Variants in PRUNE2 observed in about 807,000 individuals in gnomAD.
The protein encoded by PRUNE2 is protein prune homolog 2.
Under a neutral mutation model 252.0 loss-of-function variants are expected in PRUNE2, and 164 were observed. That is an observed-to-expected ratio of 0.65 (90% confidence interval 0.57 to 0.74). The LOEUF (loss-of-function observed/expected upper bound fraction) is 0.74, where lower values mean the gene tolerates loss of function less well. Ranked by LOEUF, PRUNE2 falls within the 30% of genes least tolerant of loss-of-function variation. The pLI is 0.00. For synonymous variants in PRUNE2, 1,292 were observed against 1,350.2 expected (o/e 0.96, Z 0.94); for missense variants, 3,495 against 3,711.0 (o/e 0.94, Z 1.51).
intron 4 of PRUNE2, among the ~76,000 whole-genome samples, chr9:76,844,988 A>AC (rs1441554914): frequency 3.3e-4 from 38 of 116,372 alleles, no homozygotes; most frequent in African/African-American, 6.7e-4. Context: ...ATATGGTGAG[A>AC]CCCCCCTCTC....
At chr9:76,870,282 T>A (rs2061108604) in intron 1 of PRUNE2, among the ~76,000 whole-genome samples, 1 of 152,086 alleles carries the variant, frequency 6.6e-6, no homozygotes, top group Non-Finnish European at 1.5e-5. Context: ...CTAACTTTTT[T>A]TTTTTTTGCA....
intron 6 of PRUNE2, among the ~76,000 whole-genome samples, chr9:76,745,642 G>C (rs2050039768): frequency 6.6e-6 from 1 of 152,082 alleles, no homozygotes; most frequent in Non-Finnish European, 1.5e-5. Flanking sequence ...AGAAACCCTA[G>C]CTTCTGATTT....
In PRUNE2 at chr9:76,711,140, GA is replaced by G; in HGVS notation, c.1133del (p.Leu378ProfsTer16). ...CCATAATCCCAGAAGACCCCTGGGA[GA>G]GGGGGGCACTGCCTGCCACGGCTTC... is the stretch of plus-strand genomic sequence containing the variant. ...STEAVAGSAP[L>X]SQGSSGIMEL... is the part of the protein sequence containing the mutation. On this transcript the variant is annotated frameshift_variant, in exon 8 of 19. Coordinates refer to ENST00000376718, the MANE Select transcript of PRUNE2 (RefSeq NM_015225.3). LOFTEE classifies it high-confidence loss of function. 1.9e-6 allele frequency: 3 copies of G among 1,613,874 alleles called. No individual in the cohort carries two copies. Among genetic ancestry groups the G allele is most frequent in the Non-Finnish European group, 2.5e-6 (3 of 1,179,778 alleles).
chr9:76,833,531 T>C (rs2058778604), intron 4 of PRUNE2, among the ~76,000 whole-genome samples: 1 of 152,046 alleles, frequency 6.6e-6, no homozygotes, highest in African/African-American at 2.4e-5. Context: ...TTTGGGAGGC[T>C]GAGGTGGGCG....
At position 76,713,584 on chromosome 9, in the gene PRUNE2, T is replaced by C. The variant is rs1158784826; in HGVS notation, c.894A>G (p.Glu298=). 6.2e-7 allele frequency: 1 copy of C among 1,610,588 alleles called. No homozygotes were observed. The highest frequency in any genetic ancestry group is 1.3e-5 in the African/African-American group (1 of 74,880). The part of the protein sequence containing the change: ...QPRRQIAVYS[E]NMELCSQICC... ...TCACCTGACTGCACAGCTCCATGTT[T>C]TCTGAGTACACAGCAATCTGTCGTC... Residue 298 remains glutamate, a synonymous_variant, in exon 7 of 19, where the codon GAA becomes GAG. Transcript: ENST00000376718.
intron 2 of PRUNE2, among the ~76,000 whole-genome samples, chr9:76,853,878 G>A (rs73653231): frequency 0.029 from 4,376 of 152,194 alleles, 224 homozygotes; most frequent in African/African-American, 0.099. Context: ...TTGAAATAAT[G>A]TTTTATAAGG....
chr9:76,888,912 C>T (rs1353997542), intron 1 of PRUNE2, among the ~76,000 whole-genome samples: 1 of 151,996 alleles, frequency 6.6e-6, no homozygotes, highest in African/African-American at 2.4e-5. Flanking sequence ...GCATGATCTC[C>T]ACTCACTTCA....
chr9:76,745,675 C>T (rs1297933886), intron 6 of PRUNE2, among the ~76,000 whole-genome samples: 1 of 152,160 alleles, frequency 6.6e-6, no homozygotes, highest in East Asian at 1.9e-4. Context: ...ATTTGAGTAA[C>T]AGTAAAACTC....
Position 76,825,675 on chromosome 9 carries a change from G to A in PRUNE2, c.661+905C>T, listed in dbSNP as rs118166573. Among the ~76,000 whole-genome samples the A allele has an allele frequency of 4.2e-4, 64 of 152,330 alleles. 1 individual carries two copies. The East Asian group carries it at 0.012, about 28-fold the overall frequency. ...AGCAATGAAGGCTTTCTGCACTTCA[G>A]TGTCCTCCCTCACCTGCAGACTGGG... On this transcript the variant is annotated intron_variant, in intron 5 of 18. Transcript: ENST00000376718.
At chr9:76,695,096 T>C (rs1477742911) in intron 9 of PRUNE2, among the ~76,000 whole-genome samples, 1 of 152,188 alleles carries the variant, frequency 6.6e-6, no homozygotes, top group East Asian at 1.9e-4. Flanking sequence ...AGTGCAGTGG[T>C]ACAATCTCAG....
intron 9 of PRUNE2, among the ~76,000 whole-genome samples, chr9:76,667,501 C>T: frequency 6.6e-6 from 1 of 151,952 alleles, no homozygotes; most frequent in African/African-American, 2.4e-5. Context: ...CCTGCCCCAC[C>T]CTCCTGCCCA....
chr9:76,803,335 T>G (rs1363917349), intron 6 of PRUNE2, among the ~76,000 whole-genome samples: 8 of 152,142 alleles, frequency 5.3e-5, no homozygotes. Context: ...AAGACCACCT[T>G]CCTTATCTTG....
At chr9:76,797,205 A>G (rs1253852617) in intron 6 of PRUNE2, among the ~76,000 whole-genome samples, 1 of 152,178 alleles carries the variant, frequency 6.6e-6, no homozygotes, top group Non-Finnish European at 1.5e-5. Context: ...GTCAGAAAGA[A>G]TGTATTTCAT....
At chr9:76,660,172 C>A (rs1245816444) in intron 9 of PRUNE2, among the ~76,000 whole-genome samples, 1 of 152,148 alleles carries the variant, frequency 6.6e-6, no homozygotes, top group Non-Finnish European at 1.5e-5. Context: ...GGTTCTTGCA[C>A]TGGACACAGG....
intron 4 of PRUNE2, among the ~76,000 whole-genome samples, chr9:76,838,660 A>AC: frequency 6.6e-6 from 1 of 151,408 alleles, no homozygotes; most frequent in East Asian, 1.9e-4. Flanking sequence ...AAAAAAAAAA[A>AC]AAAAAAAAAC....
At chr9:76,666,982 G>C (rs766362895) in intron 9 of PRUNE2, among the ~76,000 whole-genome samples, 16 of 152,124 alleles carry the variant, frequency 1.1e-4, no homozygotes, top group Non-Finnish European at 2.2e-4. Context: ...GGAAGCAGAG[G>C]TTGGGGTGAG....
chr9:76,686,546 C>T (rs2044113130), intron 9 of PRUNE2, among the ~76,000 whole-genome samples: 1 of 152,128 alleles, frequency 6.6e-6, no homozygotes, highest in Admixed American at 6.5e-5. Flanking sequence ...GCCGTGACTT[C>T]CCAGGCTCAA....
chr9:76,818,238 A>G (rs2057814790), intron 6 of PRUNE2, among the ~76,000 whole-genome samples: 1 of 152,180 alleles, frequency 6.6e-6, no homozygotes, highest in Non-Finnish European at 1.5e-5. Flanking sequence ...TCCAAGCTCA[A>G]TGAGAAATCA....
rs183199612 is a variant in PRUNE2 at position 76,765,375 on chromosome 9, T to C, written c.757-51654A>G. On this transcript the variant is annotated intron_variant, in intron 6 of 18. Transcript: ENST00000376718. Reference sequence around the variant, plus strand: ...ATGAAGAAAGATAAGAATAGGTAAATAGTCCTTATATTTGATAACAGAGGT... The same window carrying C: ...ATGAAGAAAGATAAGAATAGGTAAACAGTCCTTATATTTGATAACAGAGGT... Among the ~76,000 whole-genome samples, 4 of 152,246 alleles carry C rather than the reference T, an allele frequency of 2.6e-5. No homozygotes were observed. In the East Asian group the frequency reaches 7.7e-4, roughly 29 times the overall value.
Sources: gnomAD v4.1 joint callset for allele counts (sites outside exome capture counted in the v4.1 genomes callset) on GRCh38, gnomAD v4.1.1 for gene constraint, MANE v1.5 for transcripts, NCBI Gene and HGNC (gene_info 2026-07-23, HGNC 2026-07-21) for gene names.